The following GRIK4 variants were observed in gnomAD, a reference collection of about 807,000 sequenced individuals.
GRIK4 encodes the protein glutamate ionotropic receptor kainate type subunit 4, also known as glutamate receptor ionotropic, kainate 4.
GRIK4 carries 40 observed loss-of-function variants against 104.9 expected under a neutral mutation model. The observed-to-expected ratio is 0.38, with a 90% CI of 0.30 to 0.50. The LOEUF (loss-of-function observed/expected upper bound fraction) is 0.50, where lower values mean the gene tolerates loss of function less well. Ranked by LOEUF, GRIK4 falls within the 20% of genes least tolerant of loss-of-function variation. The pLI, the probability that GRIK4 is intolerant of heterozygous loss-of-function variation, is 0.93. For missense variants in GRIK4, 1,047 were observed against 1,308.1 expected (o/e 0.80, Z 3.08); for synonymous variants, 485 against 524.9 (o/e 0.92, Z 1.04).
intron 3 of GRIK4, among the ~76,000 whole-genome samples, chr11:120,715,552 C>T (rs777571773): frequency 2.6e-5 from 4 of 152,072 alleles, no homozygotes; most frequent in Non-Finnish European, 5.9e-5. Context: ...CTGATTCCAA[C>T]GCTCCCTCTC....
intron 1 of GRIK4, among the ~76,000 whole-genome samples, chr11:120,604,658 G>A (rs1400752407): frequency 6.6e-6 from 1 of 152,216 alleles, no homozygotes; most frequent in Non-Finnish European, 1.5e-5. Context: ...TCCCAGGAAG[G>A]GGCCAGCCAG....
chr11:120,760,148 C>G (rs1951721781), intron 3 of GRIK4, among the ~76,000 whole-genome samples: 1 of 151,736 alleles, frequency 6.6e-6, no homozygotes, highest in Non-Finnish European at 1.5e-5. Context: ...TTTCTTCTCC[C>G]CCTTATCCCC....
At position 120,986,610 on chromosome 11, in the gene GRIK4, T is replaced by C. The variant is rs1944759216; in HGVS notation, c.*350T>C. On this transcript the variant is annotated 3_prime_UTR_variant, in exon 21 of 21. Transcript: ENST00000527524. ...CCAGTCCAATGAATTGGTGGAATCA[T>C]CAGTTGAATTTCCCCCTAGTCAGGG... is the stretch of plus-strand genomic sequence containing the variant. 1 of 207,136 alleles carries C rather than the reference T, an allele frequency of 4.8e-6. No individual in the cohort carries two copies. The highest frequency in any genetic ancestry group is 9.5e-6 in the Non-Finnish European group (1 of 105,632). The allele number at this position is 207,136 out of a possible 1,614,324, so 12.8% of individuals were successfully genotyped here.
intron 1 of GRIK4, among the ~76,000 whole-genome samples, chr11:120,517,881 A>G (rs1947750314): frequency 6.6e-6 from 1 of 152,170 alleles, no homozygotes. Context: ...GTTAAAGAGG[A>G]GGATTTAATA....
chr11:120,891,218 G>A (rs981529318), intron 11 of GRIK4, among the ~76,000 whole-genome samples: 24 of 152,344 alleles, frequency 1.6e-4, no homozygotes, highest in Middle Eastern at 3.4e-3. Context: ...TGGTCTATAG[G>A]AAAGGGCCTG....
chr11:120,596,858 G>A (rs747042576), intron 1 of GRIK4, among the ~76,000 whole-genome samples: 100 of 152,246 alleles, frequency 6.6e-4, no homozygotes, highest in Non-Finnish European at 1.1e-3. Context: ...CCGAGTGGCT[G>A]GGATTACAGG....
intron 1 of GRIK4, among the ~76,000 whole-genome samples, chr11:120,542,912 A>C (rs1383383838): frequency 2.6e-5 from 4 of 152,272 alleles, no homozygotes; most frequent in African/African-American, 2.4e-5. Context: ...AGGCATGTTG[A>C]GCACAGCCTA....
chr11:120,933,775 G>A (rs1030886496), intron 13 of GRIK4, among the ~76,000 whole-genome samples: 2 of 152,214 alleles, frequency 1.3e-5, no homozygotes, highest in African/African-American at 4.8e-5. Flanking sequence ...GAGAAGGGAA[G>A]TAAATTGCAC....
chr11:120,912,429 T>A (rs1440175484), intron 13 of GRIK4, among the ~76,000 whole-genome samples: 1 of 152,122 alleles, frequency 6.6e-6, no homozygotes, highest in Non-Finnish European at 1.5e-5. Flanking sequence ...AGAGCACATG[T>A]TCAAGAGGGA....
intron 1 of GRIK4, among the ~76,000 whole-genome samples, chr11:120,628,135 AG>A (rs1949284401): frequency 6.6e-6 from 1 of 152,090 alleles, no homozygotes; most frequent in African/African-American, 2.4e-5. Flanking sequence ...TGCTCCCAGG[AG>A]GGGTGTTATC....
At chr11:120,791,424 C>T (rs567054210) in intron 3 of GRIK4, among the ~76,000 whole-genome samples, 2 of 152,304 alleles carry the variant, frequency 1.3e-5, no homozygotes, top group South Asian at 2.1e-4. Context: ...AATGTCTATT[C>T]GAATCTTTTG....
intron 5 of GRIK4, among the ~76,000 whole-genome samples, chr11:120,816,950 C>T (rs1024057539): frequency 6.6e-6 from 1 of 152,146 alleles, no homozygotes; most frequent in Admixed American, 6.5e-5. Context: ...TCCCTCCCAG[C>T]CTCTCCCAGG....
At chr11:120,783,082 C>T (rs956798283) in intron 3 of GRIK4, among the ~76,000 whole-genome samples, 4 of 152,328 alleles carry the variant, frequency 2.6e-5, no homozygotes, top group African/African-American at 7.2e-5. Context: ...ACATTCAAAC[C>T]GTCGCCCTAG....
chr11:120,755,646 A>T (rs1482833029), intron 3 of GRIK4, among the ~76,000 whole-genome samples: 1 of 150,586 alleles, frequency 6.6e-6, no homozygotes, highest in Non-Finnish European at 1.5e-5. Flanking sequence ...ATAATAAATA[A>T]TAATAATAAT....
rs541331859 is a variant in GRIK4, at chr11:120,617,349, TTTTTA to T, written c.-158-36314_-158-36310del. Among the ~76,000 whole-genome samples the T allele has an allele frequency of 2.6e-4, 39 of 152,084 alleles. No homozygotes were observed. The South Asian group carries it at 5.4e-3, about 21-fold the overall frequency. On this transcript the variant is annotated intron_variant, in intron 1 of 20. Transcript: ENST00000527524. ...TAATAGTTCATGACTGGGAAAAGCT[TTTTTA>T]TTTTATTTTATTTTATTTTATCTTA...
chr11:120,962,926 T>G (rs1373702319), intron 18 of GRIK4: 1 of 403,080 alleles, frequency 2.5e-6, no homozygotes, highest in Non-Finnish European at 4.4e-6. Flanking sequence ...ACTGATTGAT[T>G]AATTGACTAA....
rs370227345 is a variant in GRIK4, at chr11:120,527,494, G to A, written c.-159+15607G>A. On this transcript the variant is annotated intron_variant, in intron 1 of 20. Transcript: ENST00000527524. ...GGAGGGGAGCAGGGAGCCGCTGCAA[G>A]TTCCCTCCTGCCTTCCTGGAGCCCG... Among the ~76,000 whole-genome samples, 488 of 152,336 alleles carry A rather than the reference G, an allele frequency of 3.2e-3. 2 individuals are homozygous for A. Among genetic ancestry groups the A allele is most frequent in the South Asian group, 0.014 (70 of 4,832 alleles).
intron 1 of GRIK4, among the ~76,000 whole-genome samples, chr11:120,548,897 G>A (rs1277688983): frequency 6.6e-6 from 1 of 152,192 alleles, no homozygotes; most frequent in Non-Finnish European, 1.5e-5. Context: ...TCTGCTCAGG[G>A]CATATGTTCC....
intron 9 of GRIK4, among the ~76,000 whole-genome samples, chr11:120,863,760 C>T (rs954575283): frequency 2.6e-5 from 4 of 152,230 alleles, no homozygotes; most frequent in South Asian, 2.1e-4. Context: ...TTGGCCAACA[C>T]GGTGACCTTG....
Sources: gnomAD v4.1 joint callset for allele counts (sites outside exome capture counted in the v4.1 genomes callset) on GRCh38, gnomAD v4.1.1 for gene constraint, MANE v1.5 for transcripts, NCBI Gene and HGNC (gene_info 2026-07-23, HGNC 2026-07-21) for gene names.